Variants in RBKS observed in about 807,000 individuals in gnomAD.
The protein encoded by RBKS is ribokinase.
RBKS carries 33 observed loss-of-function variants against 33.9 expected under a neutral mutation model. The observed-to-expected ratio is 0.97, with a 90% CI of 0.74 to 1.30. RBKS has a LOEUF of 1.30. Ranked by LOEUF, RBKS falls within the 50% of genes most tolerant of loss-of-function variation. The pLI is 0.00. For synonymous variants in RBKS, 125 were observed against 143.0 expected, an observed-to-expected ratio of 0.87 and a Z score of 0.90; for missense variants, 361 against 392.6, an observed-to-expected ratio of 0.92 and a Z score of 0.68.
intron 1 of RBKS, among the ~76,000 whole-genome samples, chr2:27,861,947 A>AT (rs763090773): frequency 0.097 from 10,984 of 113,698 alleles, 941 homozygotes; most frequent in African/African-American, 0.18. Flanking sequence ...GCCTGGCCTG[A>AT]TTTTTTTTTT....
intron 7 of RBKS, among the ~76,000 whole-genome samples, chr2:27,827,303 G>A (rs1678330679): frequency 6.6e-6 from 1 of 152,198 alleles, no homozygotes; most frequent in Non-Finnish European, 1.5e-5. Flanking sequence ...AATGAATACA[G>A]GTAACACAGG....
intron 7 of RBKS, among the ~76,000 whole-genome samples, chr2:27,783,975 CTTTTTTTTT>C (rs1161206494): frequency 6.0e-4 from 33 of 55,306 alleles, no homozygotes; most frequent in African/African-American, 2.0e-3. Context: ...GGGTCATTTT[CTTTTTTTTT>C]TTTTTTTTTT....
intron 1 of RBKS, among the ~76,000 whole-genome samples, chr2:27,868,467 T>A (rs571926028): frequency 6.6e-6 from 1 of 152,220 alleles, no homozygotes; most frequent in Non-Finnish European, 1.5e-5. Flanking sequence ...CTATAGTTTT[T>A]AACCACAATA....
intron 1 of RBKS, among the ~76,000 whole-genome samples, chr2:27,884,211 T>C (rs1664478270): frequency 6.6e-6 from 1 of 152,208 alleles, no homozygotes; most frequent in Non-Finnish European, 1.5e-5. Context: ...CTCTATTATG[T>C]CAAACAAATA....
intron 1 of RBKS, among the ~76,000 whole-genome samples, chr2:27,879,522 A>G (rs1401840892): frequency 6.6e-6 from 1 of 152,042 alleles, no homozygotes; most frequent in Non-Finnish European, 1.5e-5. Context: ...CTTCCCCTCA[A>G]CCTGCTTTAT....
intron 4 of RBKS, among the ~76,000 whole-genome samples, chr2:27,846,260 G>T (rs954197440): frequency 2.6e-5 from 4 of 152,148 alleles, no homozygotes; most frequent in African/African-American, 9.7e-5. Flanking sequence ...GAGCCACTAC[G>T]CTCAGCCTCT....
At chr2:27,788,361 C>A (rs1677444691) in intron 7 of RBKS, among the ~76,000 whole-genome samples, 1 of 152,158 alleles carries the variant, frequency 6.6e-6, no homozygotes, top group Admixed American at 6.5e-5. Context: ...AGCCAAAAAG[C>A]TACTAGAAAT....
intron 1 of RBKS, among the ~76,000 whole-genome samples, chr2:27,877,959 A>G (rs1664344996): frequency 6.6e-6 from 1 of 152,150 alleles, no homozygotes; most frequent in South Asian, 2.1e-4. Context: ...GCACTAAGTG[A>G]ACTACGTGAA....
intron 7 of RBKS, among the ~76,000 whole-genome samples, chr2:27,782,157 A>AT (rs139534972): frequency 0.043 from 6,399 of 148,512 alleles, 184 homozygotes; most frequent in Non-Finnish European, 0.064. Context: ...GTTTTTGATG[A>AT]TTTTTTTTTT....
chr2:27,867,964 A>G (rs1664133740), intron 1 of RBKS, among the ~76,000 whole-genome samples: 1 of 152,230 alleles, frequency 6.6e-6, no homozygotes, highest in Non-Finnish European at 1.5e-5. Context: ...CACTGAAGAC[A>G]AGAAAAGTAT....
At chr2:27,794,562 C>T (rs1677606205) in intron 7 of RBKS, among the ~76,000 whole-genome samples, 2 of 151,552 alleles carry the variant, frequency 1.3e-5, no homozygotes, top group South Asian at 4.2e-4. Flanking sequence ...TAACCATGAA[C>T]TAGACAATGA....
rs1368970899 is a variant in RBKS, at chr2:27,837,038, C to T, written c.515-4261G>A. On this transcript the variant is annotated intron_variant, in intron 5 of 7. Transcript: ENST00000302188. The surrounding 1 kb of genome is among the most constrained non-coding windows in gnomAD (Gnocchi z 4.0). ...CTGTAATCCCAGCACTTTGGGCGGC[C>T]GAGGCAGGCAGATCACGAGGATCGG... Among the ~76,000 whole-genome samples the T allele has an allele frequency of 3.3e-5, 5 of 151,942 alleles. No homozygotes were observed. The highest frequency in any genetic ancestry group is 1.2e-4 in the African/African-American group (5 of 41,266).
chr2:27,873,238 C>T (rs1294612365), intron 1 of RBKS, among the ~76,000 whole-genome samples: 1 of 152,114 alleles, frequency 6.6e-6, no homozygotes, highest in Non-Finnish European at 1.5e-5. Flanking sequence ...ATGCAGTTTC[C>T]TTGTTGCAGC....
At chr2:27,823,883 G>A (rs1678264279) in intron 7 of RBKS, among the ~76,000 whole-genome samples, 1 of 152,106 alleles carries the variant, frequency 6.6e-6, no homozygotes. Flanking sequence ...CTTTTTTGTT[G>A]TTGTTTGAAA....
intron 7 of RBKS, among the ~76,000 whole-genome samples, chr2:27,793,996 A>C (rs1331364883): frequency 6.6e-6 from 1 of 152,110 alleles, no homozygotes; most frequent in Non-Finnish European, 1.5e-5. Context: ...AAAATAAAAA[A>C]TTTTATTAAA....
chr2:27,868,947 C>T (rs1664152169), intron 1 of RBKS, among the ~76,000 whole-genome samples: 1 of 152,138 alleles, frequency 6.6e-6, no homozygotes, highest in African/African-American at 2.4e-5. Context: ...AAATACTGCA[C>T]TAAACACTTT....
chr2:27,850,413 T>C (rs1458917279), intron 2 of RBKS, among the ~76,000 whole-genome samples: 2 of 152,228 alleles, frequency 1.3e-5, no homozygotes, highest in Non-Finnish European at 1.5e-5. Flanking sequence ...AAATGTCATA[T>C]ACCCACCATT....
intron 1 of RBKS, among the ~76,000 whole-genome samples, chr2:27,880,740 A>C (rs761384713): frequency 3.0e-4 from 46 of 152,218 alleles, no homozygotes; most frequent in Admixed American, 5.9e-4. Context: ...TGAAAACTAC[A>C]AAATATTGAT....
At chr2:27,781,840 C>G (rs763865737) in intron 7 of RBKS, 52 bp from the exon 8 acceptor site, 167 of 1,436,744 alleles carry the variant, frequency 1.2e-4, no homozygotes, top group Middle Eastern at 1.1e-3. Context: ...ATCTGTTGCC[C>G]AAACTGCATA....
Sources: allele counts gnomAD v4.1 joint callset (sites outside exome capture counted in the v4.1 genomes callset), GRCh38; gene constraint gnomAD v4.1.1; non-coding constraint Gnocchi (gnomAD v3.1); transcripts MANE v1.5; gene names NCBI Gene and HGNC (gene_info 2026-07-23, HGNC 2026-07-21).